The following PPP2R2D variants were observed in gnomAD, a reference collection of about 807,000 sequenced individuals.
PPP2R2D encodes protein phosphatase 2 regulatory subunit Bdelta, also known as serine/threonine-protein phosphatase 2A 55 kDa regulatory subunit B delta isoform.
PPP2R2D carries 9 observed loss-of-function variants against 31.1 expected under a neutral mutation model. The observed-to-expected ratio is 0.29, with a 90% CI of 0.17 to 0.51. The LOEUF (loss-of-function observed/expected upper bound fraction) is 0.51, where lower values mean the gene tolerates loss of function less well. PPP2R2D is among the 20% of genes least tolerant of loss of function. PPP2R2D has a pLI of 0.98. For synonymous variants in PPP2R2D, 179 were observed against 172.6 expected, an observed-to-expected ratio of 1.04 and a Z score of -0.29; for missense variants, 391 against 465.6, an observed-to-expected ratio of 0.84 and a Z score of 1.48.
intron 3 of PPP2R2D, chr10:131,934,948 A>G: frequency 2.2e-6 from 1 of 456,568 alleles, no homozygotes; most frequent in Non-Finnish European, 4.4e-6. Flanking sequence ...CAGCTTTCTC[A>G]GCACTTCCTG....
At chr10:131,966,898 T>C in the PPP2R2D span, 1 of 111,022 alleles carries the variant, frequency 9.0e-6, no homozygotes, top group Non-Finnish European at 1.8e-5. Context: ...TTTTTTTTTT[T>C]GAGATGGAGT....
At chr10:131,905,968 C>T (rs1006667630) in intron 2 of PPP2R2D, among the ~76,000 whole-genome samples, 3 of 152,228 alleles carry the variant, frequency 2.0e-5, no homozygotes, top group Admixed American at 2.0e-4. Context: ...TAAAGGAAGT[C>T]TGTGTCAAAA....
chr10:131,948,259 A>G (rs4411222), intron 8 of PPP2R2D, among the ~76,000 whole-genome samples: 110 of 152,212 alleles, frequency 7.2e-4, no homozygotes, highest in Non-Finnish European at 1.2e-3. Flanking sequence ...AATGTAATTT[A>G]TAATGTGATG....
chr10:131,948,556 C>A (rs900401946), intron 8 of PPP2R2D, among the ~76,000 whole-genome samples: 4 of 152,272 alleles, frequency 2.6e-5, no homozygotes, highest in African/African-American at 7.2e-5. Context: ...GTTGAGCTCA[C>A]AGATAAGCAA....
rs77041504 is a variant in PPP2R2D at position 131,923,129 on chromosome 10, A to G, written c.101-11329A>G. 2.7e-3 allele frequency among the ~76,000 whole-genome samples: 408 copies of G among 152,278 alleles called. 5 individuals are homozygous for G. The highest frequency in any genetic ancestry group is 9.2e-3 in the African/African-American group (384 of 41,552). ...TTTCCATCACCCCTAAAAGAAACCCACTAGCAGTCCCTCCCATTCCCTCCA... is the reference window on the plus strand; with the variant it reads ...TTTCCATCACCCCTAAAAGAAACCCGCTAGCAGTCCCTCCCATTCCCTCCA... On this transcript the variant is annotated intron_variant, in intron 2 of 8. Coordinates refer to ENST00000455566, the MANE Select transcript of PPP2R2D (RefSeq NM_018461.5).
At chr10:131,912,796 T>C (rs1379594320) in intron 2 of PPP2R2D, among the ~76,000 whole-genome samples, 2 of 152,244 alleles carry the variant, frequency 1.3e-5, no homozygotes, top group African/African-American at 4.8e-5. Context: ...TTTTGATGGC[T>C]GCATAGTATT....
intron 4 of PPP2R2D, 71 bp from the exon 5 acceptor site, chr10:131,940,511 C>T (rs2036423196): frequency 1.5e-6 from 1 of 686,260 alleles, no homozygotes; most frequent in African/African-American, 1.8e-5. Context: ...TTTCTAATAC[C>T]AGTACTCAAA....
downstream of PPP2R2D, among the ~76,000 whole-genome samples, chr10:131,960,203 C>G (rs1343898089): frequency 6.6e-6 from 1 of 152,222 alleles, no homozygotes; most frequent in Non-Finnish European, 1.5e-5. Context: ...GTGCCCTCAA[C>G]AGGCGCGGAG....
chr10:131,927,989 A>G (rs1174248952), intron 2 of PPP2R2D, among the ~76,000 whole-genome samples: 1 of 152,004 alleles, frequency 6.6e-6, no homozygotes, highest in African/African-American at 2.4e-5. Context: ...TGCATGTTTC[A>G]CCTTAGTGGA....
chr10:131,934,862 C>T (rs781914837), intron 3 of PPP2R2D: 1 of 476,628 alleles, frequency 2.1e-6, no homozygotes, highest in Non-Finnish European at 4.2e-6. Flanking sequence ...TCACGCGGCT[C>T]TCTCTGAAAA....
intron 2 of PPP2R2D, among the ~76,000 whole-genome samples, chr10:131,932,051 C>T (rs1427472767): frequency 5.8e-5 from 6 of 103,584 alleles, no homozygotes; most frequent in East Asian, 5.8e-4. Context: ...GACACCTGGG[C>T]GGGGGTGGGA....
chr10:131,969,390 C>A, the PPP2R2D span: 3 of 152,120 alleles, frequency 2.0e-5, no homozygotes, highest in African/African-American at 7.2e-5. Flanking sequence ...GTCTGCTTGA[C>A]AGTTCTGGAA....
intron 5 of PPP2R2D, 81 bp downstream of exon 5, chr10:131,940,775 G>C (rs782407098): frequency 7.3e-6 from 5 of 689,322 alleles, no homozygotes; most frequent in Non-Finnish European, 1.3e-5. Flanking sequence ...AGAGTGCTGC[G>C]CGGTGGAGTA....
chr10:131,906,233 G>C (rs1462333568), intron 2 of PPP2R2D, among the ~76,000 whole-genome samples: 5 of 152,174 alleles, frequency 3.3e-5, no homozygotes, highest in African/African-American at 1.2e-4. Context: ...GAGGGGTTGG[G>C]GGAGGAGGGT....
chr10:131,966,183 G>A, the PPP2R2D span, among the ~76,000 whole-genome samples: 5 of 152,190 alleles, frequency 3.3e-5, no homozygotes, highest in African/African-American at 9.7e-5. Context: ...TCTAAGCAAC[G>A]TGTCGGCGTC....
At chr10:131,948,265 T>G (rs2036577577) in intron 8 of PPP2R2D, among the ~76,000 whole-genome samples, 1 of 152,240 alleles carries the variant, frequency 6.6e-6, no homozygotes, top group Non-Finnish European at 1.5e-5. Flanking sequence ...ATTTATAATG[T>G]GATGGTTCTA....
chr10:131,907,581 A>C (rs2035615024), intron 2 of PPP2R2D, among the ~76,000 whole-genome samples: 1 of 152,120 alleles, frequency 6.6e-6, no homozygotes, highest in East Asian at 1.9e-4. Flanking sequence ...TCTACTAAAA[A>C]AAATACAAAA....
chr10:131,913,992 C>G (rs2035728469), intron 2 of PPP2R2D, among the ~76,000 whole-genome samples: 1 of 152,218 alleles, frequency 6.6e-6, no homozygotes, highest in African/African-American at 2.4e-5. Context: ...ACAACACCTA[C>G]CACTGCACCG....
intron 2 of PPP2R2D, among the ~76,000 whole-genome samples, chr10:131,908,723 A>G (rs1275766494): frequency 1.3e-5 from 2 of 152,202 alleles, no homozygotes; most frequent in Non-Finnish European, 2.9e-5. Flanking sequence ...CAGAAAATGT[A>G]TGGAAAGCTC....
Sources: gnomAD v4.1 joint callset for allele counts (sites outside exome capture counted in the v4.1 genomes callset) on GRCh38, gnomAD v4.1.1 for gene constraint, MANE v1.5 for transcripts, NCBI Gene and HGNC (gene_info 2026-07-23, HGNC 2026-07-21) for gene names.